The following ARMC9 variants were observed in gnomAD, a reference collection of about 807,000 sequenced individuals.
The protein encoded by ARMC9 is armadillo repeat containing 9, also known as lisH domain-containing protein ARMC9.
ARMC9 carries 94 observed loss-of-function variants against 107.0 expected under a neutral mutation model. The observed-to-expected ratio is 0.88, with a 90% CI of 0.74 to 1.04. ARMC9 has a LOEUF of 1.04. ARMC9 is among the 50% of genes least tolerant of loss of function. ARMC9 has a pLI of 0.00. For synonymous variants in ARMC9, 380 were observed against 396.9 expected (o/e 0.96, Z 0.51); for missense variants, 942 against 1,030.1 (o/e 0.91, Z 1.17).
intron 6 of ARMC9, among the ~76,000 whole-genome samples, 163 bp downstream of exon 6, chr2:231,222,983 A>G (rs185503777): frequency 2.6e-5 from 4 of 152,244 alleles, no homozygotes; most frequent in African/African-American, 4.8e-5. Context: ...GGCAGGGCCT[A>G]TAGAGATCAA....
At chr2:231,251,174 C>T (rs7598478) in intron 9 of ARMC9, among the ~76,000 whole-genome samples, 65,835 of 151,754 alleles carry the variant, frequency 0.43, 17,671 homozygotes, top group African/African-American at 0.77. Flanking sequence ...TGTTTCTTTT[C>T]CTTTTTTTTT....
intron 24 of ARMC9, chr2:231,370,542 TC>T (rs1411674868): frequency 6.0e-6 from 1 of 167,724 alleles, no homozygotes; most frequent in Non-Finnish European, 1.3e-5. Context: ...AGCCACTGTG[TC>T]CCTGCCTGGC....
At position 231,337,487 on chromosome 2, in the gene ARMC9, T is replaced by A. The variant is rs1312286276; in HGVS notation, c.1878+5590T>A. On this transcript the variant is annotated intron_variant, in intron 20 of 24. Coordinates refer to ENST00000611582, the MANE Select transcript of ARMC9 (RefSeq NM_001352754.2). ...AATTTTTGTTTTTTTTTTTTTTTTTTGAGACAGAGTCTCGCTCTGTCGCCC... is the reference window on the plus strand; with the variant it reads ...AATTTTTGTTTTTTTTTTTTTTTTTAGAGACAGAGTCTCGCTCTGTCGCCC... 6.7e-3 allele frequency among the ~76,000 whole-genome samples: 852 copies of A among 126,912 alleles called. 12 individuals carry two copies. The highest frequency in any genetic ancestry group is 8.2e-3 in the Non-Finnish European group (493 of 60,034). The allele number at this position is 126,912 out of a possible 152,430, so 83.3% of individuals were successfully genotyped here. A position where few individuals can be genotyped will look rare whatever the true frequency, so the allele number is the denominator to read the frequency against.
At position 231,207,981 on chromosome 2, in the gene ARMC9, T is replaced by A. The variant is rs1020595407; in HGVS notation, c.52-146T>A. On this transcript the variant is annotated intron_variant, in intron 2 of 24. Transcript: ENST00000611582. ...TGGTTTTGATTTGCATTTCTCTGAT[T>A]GTTAGTGATGTTAAGCACCTTTTCA... 7 of 515,948 alleles carry A rather than the reference T, an allele frequency of 1.4e-5. No individual in the cohort carries two copies. In the Admixed American group the frequency reaches 1.8e-4, roughly 14 times the overall value. The allele number at this position is 515,948 out of a possible 1,614,324, so 32.0% of individuals were successfully genotyped here.
intron 21 of ARMC9, among the ~76,000 whole-genome samples, chr2:231,347,288 A>C (rs1381685194): frequency 6.6e-6 from 1 of 152,160 alleles, no homozygotes; most frequent in Non-Finnish European, 1.5e-5. Flanking sequence ...TTCCCTTATC[A>C]GGTCTCAACA....
chr2:231,210,698 G>A lies in ARMC9; in HGVS notation c.177+2446G>A, dbSNP rs565353321. 9.8e-5 allele frequency among the ~76,000 whole-genome samples: 15 copies of A among 152,290 alleles called. No individual in the cohort carries two copies. The South Asian group carries it at 3.1e-3, about 32-fold the overall frequency. On this transcript the variant is annotated intron_variant, in intron 3 of 24. Coordinates refer to ENST00000611582, the MANE Select transcript of ARMC9 (RefSeq NM_001352754.2). ...CACTTTCCGCAACTGGTTTGCCATC[G>A]CATTTCAGCTCCAGCTGCATCTGAG... is the stretch of plus-strand genomic sequence containing the variant.
At chr2:231,213,741 C>T (rs2033180577) in intron 3 of ARMC9, among the ~76,000 whole-genome samples, 1 of 152,132 alleles carries the variant, frequency 6.6e-6, no homozygotes, top group African/African-American at 2.4e-5. Context: ...TCCCGAAGTG[C>T]TGGGATTACA....
At chr2:231,306,528 T>C (rs200572143) in intron 19 of ARMC9, among the ~76,000 whole-genome samples, 1 of 152,324 alleles carries the variant, frequency 6.6e-6, no homozygotes, top group South Asian at 2.1e-4. Context: ...AATGTGGCTG[T>C]TGGTCACATT....
At chr2:231,313,913 T>C (rs1486565844) in intron 19 of ARMC9, among the ~76,000 whole-genome samples, 1 of 149,704 alleles carries the variant, frequency 6.7e-6, no homozygotes, top group Non-Finnish European at 1.5e-5. Context: ...GTGCCACCAC[T>C]TCTGCCTAAT....
chr2:231,208,572 A>T (rs1012016383), intron 3 of ARMC9, among the ~76,000 whole-genome samples: 6 of 152,192 alleles, frequency 3.9e-5, no homozygotes, highest in African/African-American at 1.4e-4. Context: ...GGCACTGGGG[A>T]TCCAGCAGTG....
chr2:231,360,771 C>G lies in ARMC9; in HGVS notation c.2149C>G (p.Pro717Ala). 6.5e-7 allele frequency: 1 copy of G among 1,536,186 alleles called. No individual in the cohort carries two copies. Among genetic ancestry groups the G allele is most frequent in the Non-Finnish European group, 8.7e-7 (1 of 1,146,934 alleles). ...CTCCCCAGCAGCCATCATCGCCAAG[C>G]CAGGAGAGTGGCTCCCAAGAGGACG... ...VSSSSAIIAK[P>A]GEWLPRGRQE... The change falls in exon 23 of 25, where the codon CCA (proline) becomes GCA (alanine). Residue 717 changes from proline to alanine, a missense_variant. Coordinates refer to ENST00000611582, the MANE Select transcript of ARMC9 (RefSeq NM_001352754.2). This position sits in a 1 kb window ranked among gnomAD's most constrained non-coding sequence, Gnocchi z 4.7.
intron 24 of ARMC9, chr2:231,370,971 C>T (rs890558492): frequency 1.3e-5 from 6 of 451,570 alleles, no homozygotes; most frequent in East Asian, 7.0e-5. Context: ...GCTGGGGACA[C>T]GCTGGGTTGG....
At chr2:231,327,513 G>A (rs919937791) in intron 19 of ARMC9, among the ~76,000 whole-genome samples, 5 of 152,160 alleles carry the variant, frequency 3.3e-5, no homozygotes, top group Non-Finnish European at 7.3e-5. Flanking sequence ...TACATCAGTA[G>A]TTCCTTTTCT....
intron 17 of ARMC9, 67 bp from the exon 18 acceptor site, chr2:231,291,286 C>T (rs370860340): frequency 7.8e-7 from 1 of 1,289,124 alleles, no homozygotes; most frequent in Admixed American, 1.7e-5. Flanking sequence ...GATGAGATGA[C>T]CTCATTGAAA....
intron 23 of ARMC9, among the ~76,000 whole-genome samples, chr2:231,366,408 C>T (rs2045818810): frequency 1.3e-5 from 2 of 152,098 alleles, no homozygotes; most frequent in South Asian, 4.1e-4. Flanking sequence ...ATAAAAATAA[C>T]CATTACGGGC....
At chr2:231,259,190 A>G in intron 11 of ARMC9, 88 bp downstream of exon 11, 2 of 1,132,302 alleles carry the variant, frequency 1.8e-6, no homozygotes, top group Non-Finnish European at 2.5e-6. Context: ...CTTTTAACCC[A>G]TCTTCCAGAA....
At chr2:231,296,684 C>CAGTTT (rs1177581510) in intron 19 of ARMC9, among the ~76,000 whole-genome samples, 1 of 152,160 alleles carries the variant, frequency 6.6e-6, no homozygotes, top group Non-Finnish European at 1.5e-5. Flanking sequence ...CGGAACTGAC[C>CAGTTT]AGTTTTCTCT....
chr2:231,203,345 T>G (rs2031389726), intron 1 of ARMC9, among the ~76,000 whole-genome samples: 1 of 152,188 alleles, frequency 6.6e-6, no homozygotes, highest in African/African-American at 2.4e-5. Flanking sequence ...CTTCCTTCCC[T>G]TCTTCCCCTC....
chr2:231,312,387 A>G (rs777584360), intron 19 of ARMC9, among the ~76,000 whole-genome samples: 4 of 152,210 alleles, frequency 2.6e-5, no homozygotes, highest in East Asian at 1.9e-4. Context: ...TCTACTGTCA[A>G]AGTCACAAGG....
Sources: allele counts gnomAD v4.1 joint callset (sites outside exome capture counted in the v4.1 genomes callset), GRCh38; gene constraint gnomAD v4.1.1; non-coding constraint Gnocchi (gnomAD v3.1); transcripts MANE v1.5; gene names NCBI Gene and HGNC (gene_info 2026-07-23, HGNC 2026-07-21).